CERCAM: variants seen among roughly 807,000 people sequenced by gnomAD.
CERCAM encodes cerebral endothelial cell adhesion molecule.
In CERCAM, 59 loss-of-function variants were observed where a neutral mutation model predicts 66.0. The ratio of observed to expected loss-of-function variants is 0.89; its 90% CI spans 0.73 to 1.11. The LOEUF is 1.11. Ranked by LOEUF, CERCAM falls within the 50% of genes most tolerant of loss-of-function variation. CERCAM has a pLI of 0.00. For missense variants in CERCAM, 840 were observed against 828.3 expected (o/e 1.01, Z -0.17); for synonymous variants, 318 against 343.6 (o/e 0.93, Z 0.83).
intron 3 of CERCAM, among the ~76,000 whole-genome samples, chr9:128,423,841 C>G (rs1384298870): frequency 6.6e-6 from 1 of 152,098 alleles, no homozygotes; most frequent in African/African-American, 2.4e-5. Context: ...ATAAATTGAG[C>G]CTGGATCTCT....
In CERCAM at chr9:128,437,304, C is replaced by T. The variant is rs1189215410; in HGVS notation, c.*456C>T. 1 of 149,982 alleles carries T rather than the reference C, an allele frequency of 6.7e-6. No individual in the cohort carries two copies. Among genetic ancestry groups the T allele is most frequent in the East Asian group, 1.9e-4 (1 of 5,140 alleles). The allele number at this position is 149,982 out of a possible 1,614,324, so 9.3% of individuals were successfully genotyped here. A position where few individuals can be genotyped will look rare whatever the true frequency, so the allele number is the denominator to read the frequency against. ...AGCAGGACCCTTGCAGACATGTTGC[C>T]CAGCACACAGTAGGCCCTCAATAAA... On this transcript the variant is annotated 3_prime_UTR_variant, in exon 13 of 13. Coordinates refer to ENST00000372838, the MANE Select transcript of CERCAM (RefSeq NM_016174.5).
rs537410450 is a variant in CERCAM, at chr9:128,421,159, C to T, written c.197+85C>T. 6.4e-6 allele frequency: 8 copies of T among 1,257,492 alleles called. No individual in the cohort carries two copies. In the South Asian group the frequency reaches 1.8e-4, roughly 28 times the overall value. 77.9% of individuals were successfully genotyped at this position (1,257,492 alleles called of 1,614,324 possible). On this transcript the variant is annotated intron_variant, in intron 1 of 12. Coordinates refer to ENST00000372838, the MANE Select transcript of CERCAM (RefSeq NM_016174.5). ...CCCGCCCCCGGCGGCCCTGTCTGCT[C>T]GCTCCCTGCCCAGACACCACCTAGA...
chr9:128,424,358 T>A (rs1703055751), intron 4 of CERCAM, 52 bp from the exon 5 acceptor site: 1 of 1,612,514 alleles, frequency 6.2e-7, no homozygotes, highest in Non-Finnish European at 8.5e-7. Context: ...TTGGGGTCTG[T>A]GGGCAGGGGC....
intron 8 of CERCAM, 103 bp from the exon 9 acceptor site, chr9:128,431,068 C>A: frequency 7.1e-7 from 1 of 1,406,144 alleles, no homozygotes. Context: ...AAACCTTCTT[C>A]AAACCCGACT....
chr9:128,422,804 A>G, intron 1 of CERCAM, 64 bp from the exon 2 acceptor site: 2 of 1,581,364 alleles, frequency 1.3e-6, no homozygotes, highest in Non-Finnish European at 1.7e-6. Flanking sequence ...CTTTGGGGTC[A>G]AGGCTGCCTT....
intron 11 of CERCAM, among the ~76,000 whole-genome samples, chr9:128,435,240 G>A (rs1834079966): frequency 6.6e-6 from 1 of 152,032 alleles, no homozygotes; most frequent in Non-Finnish European, 1.5e-5. Flanking sequence ...CAAGTGATCT[G>A]CCTGCCTGGG....
intron 6 of CERCAM, 60 bp from the exon 7 acceptor site, chr9:128,428,697 A>G: frequency 6.4e-7 from 1 of 1,571,068 alleles, no homozygotes; most frequent in Non-Finnish European, 8.8e-7. Flanking sequence ...CTAGGACTTC[A>G]GGGTGACTGC....
At chr9:128,420,332 C>T (rs1039130519), upstream of CERCAM, 14 of 152,316 alleles carry the variant, frequency 9.2e-5, 2 homozygotes, top group Admixed American at 7.8e-4. This position sits in a 1 kb window ranked among gnomAD's most constrained non-coding sequence, Gnocchi z 5.0. Context: ...ACGCGTGGCC[C>T]GGCTGGTCTG....
intron 9 of CERCAM, among the ~76,000 whole-genome samples, chr9:128,433,830 A>G (rs1044714789): frequency 2.6e-5 from 4 of 152,202 alleles, no homozygotes; most frequent in African/African-American, 4.8e-5. Context: ...GGGCCCCTGC[A>G]GATACGCAGT....
At chr9:128,427,400 A>G (rs1047151762) in intron 5 of CERCAM, among the ~76,000 whole-genome samples, 2 of 151,472 alleles carry the variant, frequency 1.3e-5, no homozygotes, top group South Asian at 4.3e-4. Context: ...GGCGTGAGCT[A>G]CTGTGCCCCG....
chr9:128,431,034 TCA>T, intron 8 of CERCAM, 135 bp from the exon 9 acceptor site: 2 of 1,061,694 alleles, frequency 1.9e-6, no homozygotes, highest in Non-Finnish European at 2.7e-6. Context: ...CAGCTTCAGG[TCA>T]CACAAAGGAG....
Position 128,434,257 on chromosome 9 carries a change from G to C in CERCAM, c.1331+28G>C, listed in dbSNP as rs1230025186. On this transcript the variant is annotated intron_variant, in intron 10 of 12. Transcript: ENST00000372838. The surrounding 1 kb of genome is among the most constrained non-coding windows in gnomAD (Gnocchi z 4.5). ...AGGCAGCCTGCACCCTCAGGGACAAGGGGGCAGGGTGGGCCTCCGGAGTCT... is the reference window on the plus strand; with the variant it reads ...AGGCAGCCTGCACCCTCAGGGACAACGGGGCAGGGTGGGCCTCCGGAGTCT... The C allele has an allele frequency of 1.2e-6, 2 of 1,613,210 alleles. No homozygotes were observed. The highest frequency in any genetic ancestry group is 2.7e-5 in the African/African-American group (2 of 74,914).
At chr9:128,421,570 C>A (rs1385243062) in intron 1 of CERCAM, 1 of 967,244 alleles carries the variant, frequency 1.0e-6, no homozygotes, top group Non-Finnish European at 1.2e-6. Context: ...ACCGGCCCCC[C>A]CACCGCCCCC....
At chr9:128,432,202 T>C (rs1315425829) in intron 9 of CERCAM, among the ~76,000 whole-genome samples, 1 of 151,966 alleles carries the variant, frequency 6.6e-6, no homozygotes, top group Non-Finnish European at 1.5e-5. Context: ...ATTTTTCTAT[T>C]TTTAGTAGAC....
chr9:128,421,040 C>A lies in CERCAM; in HGVS notation c.163C>A (p.Arg55=). The A allele has an allele frequency of 1.4e-6, 2 of 1,406,876 alleles. No homozygotes were observed. Among genetic ancestry groups the A allele is most frequent in the Non-Finnish European group, 9.3e-7 (1 of 1,078,808 alleles). The allele number at this position is 1,406,876 out of a possible 1,614,324, so 87.1% of individuals were successfully genotyped here. ...GCCCCACTACCTGGGCGCTCTGGAG[C>A]GGCTGGACTACCCCCGGGCCAGGAT... The part of the protein sequence containing the change: ...SLPHYLGALE[R]LDYPRARMAL... Residue 55 remains arginine (R), a synonymous_variant, in exon 1 of 13, where the codon CGG becomes AGG. Transcript: ENST00000372838.
At chr9:128,423,050 C>T in intron 2 of CERCAM, 72 bp downstream of exon 2, 1 of 1,609,476 alleles carries the variant, frequency 6.2e-7, no homozygotes, top group African/African-American at 1.3e-5. Flanking sequence ...AAGGGACAGC[C>T]CAGAGCCACA....
intron 1 of CERCAM, 156 bp from the exon 2 acceptor site, chr9:128,422,712 G>A: frequency 1.3e-6 from 1 of 769,208 alleles, no homozygotes; most frequent in Non-Finnish European, 2.0e-6. Context: ...TGGGGACCTG[G>A]CTGTGCTGCC....
chr9:128,419,733 C>G (rs896566198), upstream of CERCAM: 4 of 152,370 alleles, frequency 2.6e-5, no homozygotes, highest in South Asian at 8.3e-4. Context: ...CAGCAGGGTC[C>G]TAAGGACCCC....
Position 128,420,937 on chromosome 9 carries a change from G to T in CERCAM, c.60G>T (p.Leu20=), listed in dbSNP as rs1287513829. The T allele has an allele frequency of 6.9e-7, 1 of 1,449,944 alleles. No individual in the cohort carries two copies. Among genetic ancestry groups the T allele is most frequent in the South Asian group, 1.3e-5 (1 of 74,320 alleles). The allele number at this position is 1,449,944 out of a possible 1,614,324, so 89.8% of individuals were successfully genotyped here. A position where few individuals can be genotyped will look rare whatever the true frequency, so the allele number is the denominator to read the frequency against. Residue 20 remains leucine, a synonymous_variant, in exon 1 of 13, where the codon CTG becomes CTT. Coordinates refer to ENST00000372838, the MANE Select transcript of CERCAM (RefSeq NM_016174.5). This position sits in a 1 kb window ranked among gnomAD's most constrained non-coding sequence, Gnocchi z 5.0. ...TGCTGCTCCTGCTGGGGCCGTGGCTGGAGGCTGCGGGCGTTGCGGAGTCGC... is the reference window on the plus strand; with the variant it reads ...TGCTGCTCCTGCTGGGGCCGTGGCTTGAGGCTGCGGGCGTTGCGGAGTCGC... ...LQLLLLLGPW[L]EAAGVAESPL... is the part of the protein sequence containing the mutation.
Sources: gnomAD v4.1 joint callset for allele counts (sites outside exome capture counted in the v4.1 genomes callset) on GRCh38, gnomAD v4.1.1 for gene constraint, Gnocchi (gnomAD v3.1) non-coding constraint, MANE v1.5 for transcripts, NCBI Gene and HGNC (gene_info 2026-07-23, HGNC 2026-07-21) for gene names.